CTNNA2: variants seen among roughly 807,000 people sequenced by gnomAD.
CTNNA2 encodes catenin alpha 2.
Under a neutral mutation model 101.0 loss-of-function variants are expected in CTNNA2, and 42 were observed. That is an observed-to-expected ratio of 0.42 (90% confidence interval 0.32 to 0.54). The LOEUF (loss-of-function observed/expected upper bound fraction) is 0.54, where lower values mean the gene tolerates loss of function less well. Among genes scored for constraint, CTNNA2 ranks in the 20% least tolerant of loss-of-function variants. The pLI, the probability that CTNNA2 is intolerant of heterozygous loss-of-function variation, is 0.14. For missense variants in CTNNA2, 871 were observed against 1,223.1 expected, an observed-to-expected ratio of 0.71 and a Z score of 4.29; for synonymous variants, 450 against 456.4, an observed-to-expected ratio of 0.99 and a Z score of 0.18.
intron 3 of CTNNA2, among the ~76,000 whole-genome samples, chr2:79,751,859 A>C (rs1672070558): frequency 6.6e-6 from 1 of 152,178 alleles, no homozygotes; most frequent in African/African-American, 2.4e-5. Context: ...AAGGGAAATG[A>C]AACAAAATAT....
chr2:79,879,865 A>G (rs1251598876), intron 6 of CTNNA2, among the ~76,000 whole-genome samples: 2 of 152,034 alleles, frequency 1.3e-5, no homozygotes, highest in Non-Finnish European at 2.9e-5. Flanking sequence ...ATTGAACAGG[A>G]GTGGTGAGAG....
At position 80,435,634 on chromosome 2, in the gene CTNNA2, G is replaced by A. The variant is rs570068191; in HGVS notation, c.1290+16033G>A. Among the ~76,000 whole-genome samples, 15 of 152,294 alleles carry A rather than the reference G, an allele frequency of 9.8e-5. No homozygotes were observed. In the South Asian group the frequency reaches 2.9e-3, roughly 29 times the overall value. Reference sequence around the variant, plus strand: ...GGTAGGTAGAGAATATGCTGGAGAAGATGTGTATAAAGAAGACACTGGAAG... The same window carrying A: ...GGTAGGTAGAGAATATGCTGGAGAAAATGTGTATAAAGAAGACACTGGAAG... On this transcript the variant is annotated intron_variant, in intron 9 of 18. Transcript: ENST00000402739.
At chr2:79,768,647 A>T (rs1332009128) in intron 3 of CTNNA2, among the ~76,000 whole-genome samples, 1 of 152,004 alleles carries the variant, frequency 6.6e-6, no homozygotes, top group East Asian at 2.0e-4. Context: ...TGTCAATAAT[A>T]AAAGGAGGGT....
At chr2:79,970,926 A>T (rs1177764942) in intron 7 of CTNNA2, among the ~76,000 whole-genome samples, 1 of 152,160 alleles carries the variant, frequency 6.6e-6, no homozygotes. Flanking sequence ...TCTTTCCAAG[A>T]TTAATGTGTC....
At chr2:80,049,607 A>G (rs1019971847) in intron 7 of CTNNA2, among the ~76,000 whole-genome samples, 2 of 152,082 alleles carry the variant, frequency 1.3e-5, no homozygotes, top group Admixed American at 1.3e-4. Flanking sequence ...CAGTTCACTC[A>G]TGGCCGGTGC....
chr2:79,406,785 T>G (rs190169232), intron 4 of CTNNA2, among the ~76,000 whole-genome samples: 1 of 152,078 alleles, frequency 6.6e-6, no homozygotes, highest in Admixed American at 6.6e-5. Flanking sequence ...CATATCAACC[T>G]TTCAAGCAGA....
At chr2:79,545,544 T>C (rs1673676995) in intron 1 of CTNNA2, among the ~76,000 whole-genome samples, 1 of 152,216 alleles carries the variant, frequency 6.6e-6, no homozygotes, top group South Asian at 2.1e-4. Context: ...CCTAATTACA[T>C]CAAACACTTT....
chr2:79,886,750 CAAA>C (rs1168632966), intron 6 of CTNNA2, among the ~76,000 whole-genome samples: 9 of 23,240 alleles, frequency 3.9e-4, no homozygotes, highest in East Asian at 1.9e-3. Flanking sequence ...GACTCCATCT[CAAA>C]AAAAAAAAAA....
intron 2 of CTNNA2, among the ~76,000 whole-genome samples, chr2:79,672,687 C>T (rs988777012): frequency 6.0e-5 from 9 of 150,598 alleles, no homozygotes; most frequent in African/African-American, 1.7e-4. Context: ...TAATATTTTC[C>T]GATGCAACAT....
rs117516012 is a variant in CTNNA2, at chr2:79,346,968, G to A, written c.-317-26863G>A. Among the ~76,000 whole-genome samples the A allele has an allele frequency of 1.7e-3, 254 of 152,256 alleles. 3 individuals carry two copies. In the East Asian group the frequency reaches 0.032, roughly 19 times the overall value. Reference sequence around the variant, plus strand: ...ATGTGGGAAGGCAGAGTGGAGGAGAGGTTGAAAACTACCTATTGGGTACCA... The same window carrying A: ...ATGTGGGAAGGCAGAGTGGAGGAGAAGTTGAAAACTACCTATTGGGTACCA... On this transcript the variant is annotated intron_variant, in intron 3 of 21. Transcript: ENST00000466387.
rs1292484137 is a variant in CTNNA2 at position 80,546,047 on chromosome 2, C to G, written c.1524C>G (p.Asp508Glu). 6.2e-7 allele frequency: 1 copy of G among 1,613,988 alleles called. No homozygotes were observed. Among genetic ancestry groups the G allele is most frequent in the South Asian group, 1.1e-5 (1 of 91,070 alleles). Residue 508 changes from aspartate to glutamate, a missense_variant, in exon 11 of 19, where the codon GAC becomes GAG. Coordinates refer to ENST00000402739, the MANE Select transcript of CTNNA2 (RefSeq NM_001282597.3). ...EAVDDITSVD[D>E]FLSVSENHIL... ...TGGATGACATCACCTCAGTGGATGACTTCCTCTCTGTCTCAGGTAATCATC... is the reference window on the plus strand; with the variant it reads ...TGGATGACATCACCTCAGTGGATGAGTTCCTCTCTGTCTCAGGTAATCATC...
chr2:80,355,644 T>G (rs1428004474), intron 7 of CTNNA2, among the ~76,000 whole-genome samples: 4 of 152,208 alleles, frequency 2.6e-5, no homozygotes, highest in African/African-American at 9.6e-5. Flanking sequence ...CTCAGGCAGG[T>G]AACCTCTTGT....
chr2:80,466,145 G>A (rs1684835879), intron 9 of CTNNA2, among the ~76,000 whole-genome samples: 1 of 152,138 alleles, frequency 6.6e-6, no homozygotes, highest in Admixed American at 6.6e-5. Flanking sequence ...TTTCTGTTGT[G>A]ATATTGATTT....
intron 4 of CTNNA2, among the ~76,000 whole-genome samples, chr2:79,410,450 G>T (rs549973110): frequency 7.2e-5 from 11 of 152,020 alleles, no homozygotes; most frequent in Admixed American, 2.6e-4. Context: ...GTCATAGATA[G>T]CTCTTTTTAT....
At chr2:79,618,740 C>T (rs1234810729) in intron 1 of CTNNA2, among the ~76,000 whole-genome samples, 1 of 152,142 alleles carries the variant, frequency 6.6e-6, no homozygotes, top group Non-Finnish European at 1.5e-5. Context: ...TTCTGAAATC[C>T]AAAAACTCTA....
intron 4 of CTNNA2, among the ~76,000 whole-genome samples, chr2:79,493,334 T>C (rs1299563773): frequency 6.6e-6 from 1 of 152,112 alleles, no homozygotes. Context: ...TAATCTGGTA[T>C]ATAAAAATAT....
chr2:79,305,523 T>A (rs539895544), intron 2 of CTNNA2, among the ~76,000 whole-genome samples: 2 of 149,010 alleles, frequency 1.3e-5, no homozygotes, highest in East Asian at 4.0e-4. Flanking sequence ...TTCTACACTC[T>A]TTTTGCTTTC....
chr2:80,490,835 C>T (rs567493580), intron 9 of CTNNA2, among the ~76,000 whole-genome samples: 2 of 152,248 alleles, frequency 1.3e-5, no homozygotes, highest in African/African-American at 4.8e-5. Context: ...TATGCCCTCT[C>T]CCCAAATTCC....
chr2:79,896,035 C>A (rs1214441732), intron 6 of CTNNA2, among the ~76,000 whole-genome samples: 2 of 152,006 alleles, frequency 1.3e-5, no homozygotes, highest in East Asian at 1.9e-4. Context: ...ATAATCCCAG[C>A]ACTTTGGGAG....
Sources: gnomAD v4.1 joint callset for allele counts (sites outside exome capture counted in the v4.1 genomes callset) on GRCh38, gnomAD v4.1.1 for gene constraint, MANE v1.5 for transcripts, NCBI Gene and HGNC (gene_info 2026-07-23, HGNC 2026-07-21) for gene names.